Variants in MCF2L observed in about 807,000 individuals in gnomAD.
MCF2L encodes MCF.2 cell line derived transforming sequence like.
Under a neutral mutation model 153.4 loss-of-function variants are expected in MCF2L, and 97 were observed. The ratio of observed to expected loss-of-function variants is 0.63; its 90% CI spans 0.54 to 0.75. MCF2L has a LOEUF of 0.75. Ranked by LOEUF, MCF2L falls within the 30% of genes least tolerant of loss-of-function variation. MCF2L has a pLI of 0.00. For synonymous variants in MCF2L, 659 were observed against 632.2 expected (o/e 1.04, Z -0.64); for missense variants, 1,347 against 1,495.2 (o/e 0.90, Z 1.64).
At chr13:113,000,871 A>G (rs957868436) in intron 1 of MCF2L, among the ~76,000 whole-genome samples, 2 of 111,328 alleles carry the variant, frequency 1.8e-5, no homozygotes, top group African/African-American at 5.8e-5. Flanking sequence ...CAAACCCAGC[A>G]CCCCTCCCAG....
chr13:112,958,778 T>C (rs1425697504), intron 2 of MCF2L, among the ~76,000 whole-genome samples: 2 of 152,210 alleles, frequency 1.3e-5, no homozygotes, highest in Non-Finnish European at 2.9e-5. Context: ...GTGGGATACG[T>C]GTGCCAGGCA....
rs1005168515 is a variant in MCF2L at position 113,027,402 on chromosome 13, G to A, written c.278+2644G>A. On this transcript the variant is annotated intron_variant, in intron 3 of 29. Coordinates refer to ENST00000535094, the MANE Select transcript of MCF2L (RefSeq NM_001112732.3). The surrounding 1 kb of genome is among the most constrained non-coding windows in gnomAD (Gnocchi z 4.8). The stretch of plus-strand genomic sequence containing the variant: ...TGGAGGAGCAGGGAGCCTCACCGGT[G>A]GGCCTTTCGGGGGCAGGACGTCTTG... Among the ~76,000 whole-genome samples, 4 of 152,144 alleles carry A rather than the reference G, an allele frequency of 2.6e-5. No homozygotes were observed. Among genetic ancestry groups the A allele is most frequent in the African/African-American group, 7.2e-5 (3 of 41,432 alleles).
intron 2 of MCF2L, among the ~76,000 whole-genome samples, chr13:112,936,610 A>C (rs2993339): frequency 0.76 from 116,175 of 152,158 alleles, 44,464 homozygotes; most frequent in East Asian, 0.83. Flanking sequence ...TTATTTACCT[A>C]GAACTGCTGG....
chr13:112,902,678 T>G (rs1219656122), intron 2 of MCF2L, among the ~76,000 whole-genome samples: 1 of 152,268 alleles, frequency 6.6e-6, no homozygotes, highest in Admixed American at 6.5e-5. Flanking sequence ...GAAATGTTTC[T>G]TTGGGTTCCA....
intron 2 of MCF2L, among the ~76,000 whole-genome samples, chr13:112,938,679 C>T: frequency 6.6e-6 from 1 of 152,254 alleles, no homozygotes; most frequent in African/African-American, 2.4e-5. Context: ...TTATCATGCT[C>T]ATGTCAACTA....
intron 2 of MCF2L, among the ~76,000 whole-genome samples, chr13:112,918,959 G>A (rs951137807): frequency 7.2e-5 from 11 of 152,212 alleles, no homozygotes; most frequent in South Asian, 2.1e-4. Flanking sequence ...CCCGACGCGC[G>A]CCCCCTTCCA....
At chr13:112,999,958 AGTGGAG>A in intron 1 of MCF2L, among the ~76,000 whole-genome samples, 1 of 95,310 alleles carries the variant, frequency 1.0e-5, no homozygotes, top group South Asian at 3.4e-4. Flanking sequence ...AGGGCCCCAG[AGTGGAG>A]GCAGGGCTGA....
chr13:112,953,351 C>T (rs1018000059), intron 2 of MCF2L, among the ~76,000 whole-genome samples: 4 of 152,162 alleles, frequency 2.6e-5, no homozygotes, highest in African/African-American at 9.7e-5. Flanking sequence ...TGAAGGAGCT[C>T]CCAGGGAACA....
chr13:112,954,177 G>A (rs1316758787), intron 2 of MCF2L, among the ~76,000 whole-genome samples: 2 of 152,304 alleles, frequency 1.3e-5, no homozygotes, highest in African/African-American at 4.8e-5. Context: ...CCTGGGGCCT[G>A]CTCTGTCTCC....
rs751600477 is a variant in MCF2L, at chr13:112,979,789, G to A, written c.79+10331G>A. On this transcript the variant is annotated intron_variant, in intron 1 of 29. Coordinates refer to ENST00000535094, the MANE Select transcript of MCF2L (RefSeq NM_001112732.3). ...ATACAATGGGGTCGCAGGGCATGGGGGCAGGTGCTGTGTCCCCTCTGCAGG... is the reference window on the plus strand; with the variant it reads ...ATACAATGGGGTCGCAGGGCATGGGAGCAGGTGCTGTGTCCCCTCTGCAGG... 8.2e-6 allele frequency: 13 copies of A among 1,591,968 alleles called. No homozygotes were observed. In the African/African-American group the frequency reaches 1.5e-4, roughly 18 times the overall value.
chr13:113,097,111 G>T lies in MCF2L; in HGVS notation c.*252G>T, dbSNP rs1380452025. 5.3e-5 allele frequency: 18 copies of T among 341,174 alleles called. No homozygotes were observed. The highest frequency in any genetic ancestry group is 9.0e-5 in the Non-Finnish European group (17 of 189,718). 21.1% of individuals were successfully genotyped at this position (341,174 alleles called of 1,614,324 possible). On this transcript the variant is annotated 3_prime_UTR_variant, in exon 30 of 30. Transcript: ENST00000535094. ...GGAACAGCCCCGGGCGGCAGGCGCC[G>T]GGCAGCGGCATCTCGTCCTGGCTCC...
chr13:112,928,590 T>G (rs1442343028), intron 2 of MCF2L, among the ~76,000 whole-genome samples: 1 of 152,232 alleles, frequency 6.6e-6, no homozygotes, highest in Non-Finnish European at 1.5e-5. Context: ...TCATGATGAC[T>G]GTCTACTCCT....
chr13:113,096,506 GGACTGCCCCGCACGTGGCTGCCGCT>G lies in MCF2L; in HGVS notation c.3188+27_3189-16del. ...CTGGTAAGACCCCGCGCTCAGCCCC[GGACTGCCCCGCACGTGGCTGCCGCT>G]GACCCTCGCCCCTTGCAGGTACGTC... is the stretch of plus-strand genomic sequence containing the variant. On this transcript the variant is annotated intron_variant, in intron 28 of 29. Coordinates refer to ENST00000535094, the MANE Select transcript of MCF2L (RefSeq NM_001112732.3). 1 of 1,581,918 alleles carries G rather than the reference GGACTGCCCCGCACGTGGCTGCCGCT, an allele frequency of 6.3e-7. No homozygotes were observed.
intron 1 of MCF2L, among the ~76,000 whole-genome samples, chr13:113,008,367 C>T (rs1459595516): frequency 6.6e-6 from 1 of 152,118 alleles, no homozygotes; most frequent in Non-Finnish European, 1.5e-5. Context: ...GTCTCAGCCC[C>T]TGGACTCCAG....
At chr13:113,029,661 G>T (rs2085523939) in intron 3 of MCF2L, among the ~76,000 whole-genome samples, 1 of 152,344 alleles carries the variant, frequency 6.6e-6, no homozygotes, top group South Asian at 2.1e-4. Context: ...TGGGGGCGGG[G>T]CTGCCCTCTG....
chr13:113,019,397 C>T (rs1013841399), intron 2 of MCF2L, among the ~76,000 whole-genome samples: 8 of 152,218 alleles, frequency 5.3e-5, no homozygotes, highest in Admixed American at 3.9e-4. Flanking sequence ...ATCCTGCGCT[C>T]CCTGAGGCCG....
intron 2 of MCF2L, among the ~76,000 whole-genome samples, chr13:112,906,586 G>A (rs1044255486): frequency 1.3e-5 from 2 of 152,236 alleles, no homozygotes; most frequent in Non-Finnish European, 2.9e-5. Flanking sequence ...ACCAGTGCCC[G>A]CTCTGCCGTG....
chr13:112,914,967 CT>C (rs1213362058), intron 2 of MCF2L, among the ~76,000 whole-genome samples: 1 of 151,730 alleles, frequency 6.6e-6, no homozygotes, highest in East Asian at 1.9e-4. Context: ...TCTTCCTATT[CT>C]GAGGTTATAC....
At chr13:112,979,594 G>T (rs1207888386) in intron 1 of MCF2L, 3 of 1,599,146 alleles carry the variant, frequency 1.9e-6, no homozygotes, top group Non-Finnish European at 2.6e-6. Flanking sequence ...AGCATCAGGG[G>T]GTCGCCTGTG....
Sources: gnomAD v4.1 joint callset for allele counts (sites outside exome capture counted in the v4.1 genomes callset) on GRCh38, gnomAD v4.1.1 for gene constraint, Gnocchi (gnomAD v3.1) non-coding constraint, MANE v1.5 for transcripts, NCBI Gene and HGNC (gene_info 2026-07-23, HGNC 2026-07-21) for gene names.